GALNT18: variants seen among roughly 807,000 people sequenced by gnomAD.
GALNT18 encodes the protein polypeptide N-acetylgalactosaminyltransferase 18, also known as GalNAc-transferase 18.
Under a neutral mutation model 69.5 loss-of-function variants are expected in GALNT18, and 44 were observed. The observed-to-expected ratio is 0.63, with a 90% confidence interval of 0.50 to 0.81. GALNT18 has a LOEUF of 0.81. Ranked by LOEUF, GALNT18 falls within the 40% of genes least tolerant of loss-of-function variation. GALNT18 has a pLI of 0.00. For missense variants in GALNT18, 715 were observed against 810.0 expected (o/e 0.88, Z 1.42); for synonymous variants, 364 against 318.2 (o/e 1.14, Z -1.53).
intron 1 of GALNT18, among the ~76,000 whole-genome samples, chr11:11,506,238 C>T (rs946999889): frequency 1.3e-5 from 2 of 152,238 alleles, no homozygotes; most frequent in African/African-American, 4.8e-5. Flanking sequence ...TACATGCATA[C>T]ACACCATAAA....
At chr11:11,498,608 G>A (rs1856914669) in intron 1 of GALNT18, among the ~76,000 whole-genome samples, 1 of 152,194 alleles carries the variant, frequency 6.6e-6, no homozygotes, top group Non-Finnish European at 1.5e-5. Flanking sequence ...CAACCAGCCT[G>A]GGCAACACGG....
intron 10 of GALNT18, among the ~76,000 whole-genome samples, chr11:11,286,456 A>G (rs1461973801): frequency 6.6e-6 from 1 of 152,104 alleles, no homozygotes; most frequent in Non-Finnish European, 1.5e-5. Context: ...CCCTTGGACT[A>G]TTAACATGAA....
chr11:11,443,138 G>A (rs938404492), intron 2 of GALNT18, among the ~76,000 whole-genome samples: 5 of 152,302 alleles, frequency 3.3e-5, no homozygotes, highest in Middle Eastern at 6.8e-3. Context: ...GGCCGAAGCC[G>A]CAGAACTGGA....
rs544552565 is a variant in GALNT18, at chr11:11,609,126, A to C, written c.235+12233T>G. ...CTGGCACAATGCCAAGCCCAAGAGA[A>C]GTACCCAGGAAGCAGCCACAGAACA... On this transcript the variant is annotated intron_variant, in intron 1 of 10. Transcript: ENST00000227756. Among the ~76,000 whole-genome samples, 19 of 152,344 alleles carry C rather than the reference A, an allele frequency of 1.2e-4. No individual in the cohort carries two copies. The South Asian group carries it at 2.3e-3, about 18-fold the overall frequency.
intron 1 of GALNT18, among the ~76,000 whole-genome samples, chr11:11,530,637 G>A (rs2133941524): frequency 6.6e-6 from 1 of 152,318 alleles, no homozygotes; most frequent in East Asian, 1.9e-4. Context: ...ATAGAGCTGG[G>A]ACTGGAGGCC....
chr11:11,585,674 T>G (rs1435570964), intron 1 of GALNT18, among the ~76,000 whole-genome samples: 1 of 152,144 alleles, frequency 6.6e-6, no homozygotes, highest in East Asian at 1.9e-4. Flanking sequence ...TTTTTCATAC[T>G]TCAACCAAAA....
chr11:11,360,346 G>C (rs1169914833), intron 6 of GALNT18, among the ~76,000 whole-genome samples: 1 of 152,168 alleles, frequency 6.6e-6, no homozygotes, highest in African/African-American at 2.4e-5. Context: ...GGATCTTTCA[G>C]CCTTGCGTTT....
rs933771246 is a variant in GALNT18, at chr11:11,347,948, G to T, written c.1093-6944C>A. 6.6e-6 allele frequency among the ~76,000 whole-genome samples: 1 copy of T among 152,150 alleles called. No individual in the cohort carries two copies. The highest frequency in any genetic ancestry group is 2.4e-5 in the African/African-American group (1 of 41,438). On this transcript the variant is annotated intron_variant, in intron 6 of 10. Transcript: ENST00000227756. This position sits in a 1 kb window ranked among gnomAD's most constrained non-coding sequence, Gnocchi z 4.0. ...CTGGCAGAAGACCAGAAAGTCACTCGCAGAGTGGCTGAACGGTCAGAGATG... is the reference window on the plus strand; with the variant it reads ...CTGGCAGAAGACCAGAAAGTCACTCTCAGAGTGGCTGAACGGTCAGAGATG...
At position 11,543,271 on chromosome 11, in the gene GALNT18, GCATCCTT is replaced by G. The variant is rs1456021636; in HGVS notation, c.235+78081_235+78087del. ...TGATCTGTGATCATTGCAAGTTGTT[GCATCCTT>G]GAGAGTAAGTAGAATTTGTGGCCTA... is the stretch of plus-strand genomic sequence containing the variant. On this transcript the variant is annotated intron_variant, in intron 1 of 10. Transcript: ENST00000227756. The surrounding 1 kb of genome is among the most constrained non-coding windows in gnomAD (Gnocchi z 5.1). Among the ~76,000 whole-genome samples the G allele has an allele frequency of 1.3e-5, 2 of 152,164 alleles. No homozygotes were observed. Among genetic ancestry groups the G allele is most frequent in the Non-Finnish European group, 2.9e-5 (2 of 68,028 alleles).
chr11:11,362,348 C>A (rs937441931), intron 6 of GALNT18, among the ~76,000 whole-genome samples: 2 of 152,008 alleles, frequency 1.3e-5, no homozygotes, highest in Non-Finnish European at 2.9e-5. Flanking sequence ...ACGAAAAAAG[C>A]AGCCTTTGGA....
At chr11:11,545,625 C>T (rs774649254) in intron 1 of GALNT18, among the ~76,000 whole-genome samples, 5 of 152,252 alleles carry the variant, frequency 3.3e-5, no homozygotes, top group Non-Finnish European at 5.9e-5. Flanking sequence ...CCATCCCAGG[C>T]AGCAGTTGCC....
In GALNT18 at chr11:11,617,275, G is replaced by A. The variant is rs891928492; in HGVS notation, c.235+4084C>T. Among the ~76,000 whole-genome samples, 3 of 152,138 alleles carry A rather than the reference G, an allele frequency of 2.0e-5. No homozygotes were observed. Among genetic ancestry groups the A allele is most frequent in the African/African-American group, 4.8e-5 (2 of 41,430 alleles). On this transcript the variant is annotated intron_variant, in intron 1 of 10. Transcript: ENST00000227756. The surrounding 1 kb of genome is among the most constrained non-coding windows in gnomAD (Gnocchi z 4.7). ...CCAATTTTTCTATTAACTAACTCAA[G>A]CCCTGACCACGTTGACTAAAAGGGA...
At chr11:11,397,294 A>G (rs1854356557) in intron 3 of GALNT18, among the ~76,000 whole-genome samples, 1 of 152,146 alleles carries the variant, frequency 6.6e-6, no homozygotes. Flanking sequence ...GTATTCACAG[A>G]GCCTGGGTTT....
At position 11,583,896 on chromosome 11, in the gene GALNT18, G is replaced by A. The variant is rs1161755991; in HGVS notation, c.235+37463C>T. Among the ~76,000 whole-genome samples the A allele has an allele frequency of 6.6e-6, 1 of 152,072 alleles. No individual in the cohort carries two copies. The highest frequency in any genetic ancestry group is 1.5e-5 in the Non-Finnish European group (1 of 68,016). ...CAGATGATCTCAATATCATTATAAG[G>A]CCCAAATAAATGAATTATGGTCTTA... On this transcript the variant is annotated intron_variant, in intron 1 of 10. Coordinates refer to ENST00000227756, the MANE Select transcript of GALNT18 (RefSeq NM_198516.3). This position sits in a 1 kb window ranked among gnomAD's most constrained non-coding sequence, Gnocchi z 4.7.
chr11:11,509,133 A>G (rs1290562136), intron 1 of GALNT18, among the ~76,000 whole-genome samples: 1 of 151,774 alleles, frequency 6.6e-6, no homozygotes, highest in Non-Finnish European at 1.5e-5. Flanking sequence ...CCTGATTCTC[A>G]TCTTTCACAA....
intron 6 of GALNT18, among the ~76,000 whole-genome samples, chr11:11,351,309 C>T (rs1850397294): frequency 3.3e-5 from 5 of 152,182 alleles, no homozygotes; most frequent in Admixed American, 3.3e-4. Flanking sequence ...AAGGGTGAAG[C>T]TAGCCAGGGT....
chr11:11,587,150 T>C lies in GALNT18; in HGVS notation c.235+34209A>G, dbSNP rs1340566005. Among the ~76,000 whole-genome samples, 2 of 152,236 alleles carry C rather than the reference T, an allele frequency of 1.3e-5. No homozygotes were observed. Among genetic ancestry groups the C allele is most frequent in the African/African-American group, 2.4e-5 (1 of 41,462 alleles). ...AGCCAGCCACAAAACAGTTACTGCCTGGCACAGCAATTTGCTCTAGCACTA... is the reference window on the plus strand; with the variant it reads ...AGCCAGCCACAAAACAGTTACTGCCCGGCACAGCAATTTGCTCTAGCACTA... On this transcript the variant is annotated intron_variant, in intron 1 of 10. Coordinates refer to ENST00000227756, the MANE Select transcript of GALNT18 (RefSeq NM_198516.3). The surrounding 1 kb of genome is among the most constrained non-coding windows in gnomAD (Gnocchi z 4.4).
At position 11,543,333 on chromosome 11, in the gene GALNT18, A is replaced by G. The variant is rs1412744867; in HGVS notation, c.235+78026T>C. Among the ~76,000 whole-genome samples the G allele has an allele frequency of 1.3e-5, 2 of 152,202 alleles. No individual in the cohort carries two copies. The highest frequency in any genetic ancestry group is 3.9e-4 in the East Asian group (2 of 5,194). ...TCCACTGTCTTAGCTTCATTCTCTC[A>G]TGGCAGGAATCCTTAGTAGGCCACC... is the stretch of plus-strand genomic sequence containing the variant. On this transcript the variant is annotated intron_variant, in intron 1 of 10. Coordinates refer to ENST00000227756, the MANE Select transcript of GALNT18 (RefSeq NM_198516.3). The surrounding 1 kb of genome is among the most constrained non-coding windows in gnomAD (Gnocchi z 5.1).
At chr11:11,549,007 C>T (rs1277626003) in intron 1 of GALNT18, among the ~76,000 whole-genome samples, 1 of 152,198 alleles carries the variant, frequency 6.6e-6, no homozygotes, top group East Asian at 1.9e-4. Flanking sequence ...CATTTCCCAG[C>T]TTCCCTTAAA....
Sources: allele counts gnomAD v4.1 joint callset (sites outside exome capture counted in the v4.1 genomes callset), GRCh38; gene constraint gnomAD v4.1.1; non-coding constraint Gnocchi (gnomAD v3.1); transcripts MANE v1.5; gene names NCBI Gene and HGNC (gene_info 2026-07-23, HGNC 2026-07-21).